Variants in AGBL1 observed in about 807,000 individuals in gnomAD.
The protein encoded by AGBL1 is cytosolic carboxypeptidase 4.
A neutral mutation model predicts 118.9 loss-of-function variants in AGBL1; 130 were observed. The observed-to-expected ratio is 1.09, with a 90% CI of 0.95 to 1.26. AGBL1 has a LOEUF of 1.26. Ranked by LOEUF, AGBL1 falls within the 50% of genes most tolerant of loss-of-function variation. The pLI, the probability that AGBL1 is intolerant of heterozygous loss-of-function variation, is 0.00. For synonymous variants in AGBL1, 555 were observed against 478.9 expected, an observed-to-expected ratio of 1.16 and a Z score of -2.08; for missense variants, 1,584 against 1,298.1, an observed-to-expected ratio of 1.22 and a Z score of -3.38.
chr15:87,006,225 A>G (rs1169193035), intron 24 of AGBL1, among the ~76,000 whole-genome samples: 1 of 152,196 alleles, frequency 6.6e-6, no homozygotes, highest in African/African-American at 2.4e-5. Context: ...AAGCTGTCAG[A>G]CAGGGACATT....
Position 86,580,760 on chromosome 15 carries a change from T to C in AGBL1, c.2994+26223T>C, listed in dbSNP as rs550443443. ...TTTAAACATATACAAGAAATTTTTGTTAACTATATTCACCCTATAGTGCTA... is the reference window on the plus strand; with the variant it reads ...TTTAAACATATACAAGAAATTTTTGCTAACTATATTCACCCTATAGTGCTA... On this transcript the variant is annotated intron_variant, in intron 21 of 22. Coordinates refer to ENST00000614907, the MANE Select transcript of AGBL1 (RefSeq NM_001386094.1). Among the ~76,000 whole-genome samples, 5 of 152,316 alleles carry C rather than the reference T, an allele frequency of 3.3e-5. No homozygotes were observed. In the East Asian group the frequency reaches 9.6e-4, roughly 29 times the overall value.
chr15:86,722,354 A>T (rs1200498376), intron 22 of AGBL1, among the ~76,000 whole-genome samples: 1 of 152,226 alleles, frequency 6.6e-6, no homozygotes, highest in Admixed American at 6.5e-5. Context: ...ATAATGCCGC[A>T]TATCTACAAC....
chr15:86,366,196 CCATTT>C (rs2080885388), intron 17 of AGBL1, among the ~76,000 whole-genome samples: 1 of 152,066 alleles, frequency 6.6e-6, no homozygotes, highest in East Asian at 1.9e-4. Flanking sequence ...TCATTCAGCT[CCATTT>C]CTTAAATTAA....
intron 17 of AGBL1, among the ~76,000 whole-genome samples, chr15:86,384,749 C>T (rs1165863434): frequency 1.3e-5 from 2 of 151,968 alleles, no homozygotes; most frequent in African/African-American, 4.8e-5. Flanking sequence ...TCATTTATTC[C>T]CATTATGTGA....
In AGBL1 at chr15:86,395,098, A is replaced by G. The variant is rs1019050978; in HGVS notation, c.2375-2268A>G. On this transcript the variant is annotated intron_variant, in intron 17 of 22. Coordinates refer to ENST00000614907, the MANE Select transcript of AGBL1 (RefSeq NM_001386094.1). The stretch of plus-strand genomic sequence containing the variant: ...AATATACTCTGTTACTTATCACAGG[A>G]TATCAGTGAGACACTGACTCTATGG... 2.8e-4 allele frequency among the ~76,000 whole-genome samples: 42 copies of G among 152,156 alleles called. 1 individual carries two copies. The highest frequency in any genetic ancestry group is 1.0e-3 in the African/African-American group (42 of 41,444).
chr15:86,789,218 A>G (rs1457185921), intron 22 of AGBL1, among the ~76,000 whole-genome samples: 1 of 152,230 alleles, frequency 6.6e-6, no homozygotes, highest in East Asian at 1.9e-4. Context: ...CCTAATCTGG[A>G]GTCCCAACAC....
chr15:86,218,677 G>T (rs139241542), intron 5 of AGBL1, among the ~76,000 whole-genome samples: 4 of 152,154 alleles, frequency 2.6e-5, no homozygotes, highest in Non-Finnish European at 5.9e-5. Context: ...CAGTAATGTT[G>T]GGGAAACCCC....
intron 17 of AGBL1, among the ~76,000 whole-genome samples, chr15:86,341,251 T>G (rs1274334247): frequency 6.6e-6 from 1 of 152,154 alleles, no homozygotes; most frequent in Non-Finnish European, 1.5e-5. Context: ...ATGTAAAAAT[T>G]TTCTGACTTG....
intron 4 of AGBL1, among the ~76,000 whole-genome samples, chr15:86,156,894 A>T (rs1303943060): frequency 2.0e-5 from 3 of 146,802 alleles, no homozygotes; most frequent in Admixed American, 7.0e-5. Context: ...GGTTCAAATG[A>T]TTCTCGTGCC....
At chr15:86,134,602 GCCTT>G (rs2076861512) in intron 1 of AGBL1, among the ~76,000 whole-genome samples, 3 of 127,016 alleles carry the variant, frequency 2.4e-5, no homozygotes, top group South Asian at 2.7e-4. Flanking sequence ...GATCAATGGT[GCCTT>G]TTTTTTTTTT....
At chr15:86,752,412 A>G (rs1474748413) in intron 22 of AGBL1, among the ~76,000 whole-genome samples, 1 of 152,164 alleles carries the variant, frequency 6.6e-6, no homozygotes, top group African/African-American at 2.4e-5. Flanking sequence ...TTTAAAGACA[A>G]AGCCATTCAT....
rs1226926580 is a variant in AGBL1, at chr15:86,262,617, A to G, written c.970-161A>G. On this transcript the variant is annotated intron_variant, in intron 9 of 22. Transcript: ENST00000614907. ...TTCTTTCTTTTTATTTTAAAAATAC[A>G]ATCCAGCATAACAAATTCTTCACTG... The G allele has an allele frequency of 3.0e-5, 21 of 689,642 alleles. No homozygotes were observed. The East Asian group carries it at 5.8e-4, about 19-fold the overall frequency. 42.7% of individuals were successfully genotyped at this position (689,642 alleles called of 1,614,324 possible). A position where few individuals can be genotyped will look rare whatever the true frequency, so the allele number is the denominator to read the frequency against.
chr15:86,616,987 T>A (rs2084737197), intron 21 of AGBL1, among the ~76,000 whole-genome samples: 1 of 152,194 alleles, frequency 6.6e-6, no homozygotes, highest in Non-Finnish European at 1.5e-5. Context: ...TGTGTTGTAA[T>A]CCTTTACCAT....
At chr15:86,521,839 T>C (rs1338736152) in intron 18 of AGBL1, among the ~76,000 whole-genome samples, 3 of 152,012 alleles carry the variant, frequency 2.0e-5, no homozygotes, top group Non-Finnish European at 4.4e-5. Context: ...GGAAGGACAA[T>C]GGTGGAGGAT....
At chr15:86,531,890 G>T (rs1025529771) in intron 19 of AGBL1, among the ~76,000 whole-genome samples, 1 of 148,576 alleles carries the variant, frequency 6.7e-6, no homozygotes, top group African/African-American at 2.5e-5. Context: ...TGCAGAAAAA[G>T]CCTTTGACAA....
intron 21 of AGBL1, among the ~76,000 whole-genome samples, chr15:86,648,364 G>C (rs1279137302): frequency 6.6e-6 from 1 of 152,170 alleles, no homozygotes; most frequent in African/African-American, 2.4e-5. Context: ...GAGCCAATAG[G>C]ACTTTATGAT....
intron 22 of AGBL1, among the ~76,000 whole-genome samples, chr15:86,785,956 C>T (rs2078406070): frequency 1.3e-5 from 2 of 152,024 alleles, no homozygotes; most frequent in African/African-American, 4.8e-5. Flanking sequence ...TTTTAGTGTT[C>T]TAGGTTAGTG....
chr15:86,294,950 G>A (rs530673675), intron 16 of AGBL1, among the ~76,000 whole-genome samples: 8 of 152,124 alleles, frequency 5.3e-5, no homozygotes, highest in Non-Finnish European at 8.8e-5. Flanking sequence ...TGATTTCCTC[G>A]TATGTCACAG....
chr15:87,004,693 A>C (rs2081479748), intron 24 of AGBL1, among the ~76,000 whole-genome samples: 2 of 152,150 alleles, frequency 1.3e-5, no homozygotes, highest in African/African-American at 4.8e-5. Flanking sequence ...TTTACATTTA[A>C]GGTTAATATT....
Sources: gnomAD v4.1 joint callset for allele counts (sites outside exome capture counted in the v4.1 genomes callset) on GRCh38, gnomAD v4.1.1 for gene constraint, MANE v1.5 for transcripts, NCBI Gene and HGNC (gene_info 2026-07-23, HGNC 2026-07-21) for gene names.